ARHGEF4: variants seen among roughly 807,000 people sequenced by gnomAD.
ARHGEF4 encodes the protein Rho guanine nucleotide exchange factor 4, also known as APC-stimulated guanine nucleotide exchange factor 1.
A neutral mutation model predicts 162.0 loss-of-function variants in ARHGEF4; 119 were observed. The ratio of observed to expected loss-of-function variants is 0.73; its 90% CI spans 0.63 to 0.86. ARHGEF4 has a LOEUF of 0.86. Among genes scored for constraint, ARHGEF4 ranks in the 40% least tolerant of loss-of-function variants. The pLI is 0.00. For synonymous variants in ARHGEF4, 1,014 were observed against 979.9 expected, an observed-to-expected ratio of 1.03 and a Z score of -0.65; for missense variants, 2,488 against 2,456.0, an observed-to-expected ratio of 1.01 and a Z score of -0.28.
chr2:130,986,184 C>T (rs1686486264), intron 4 of ARHGEF4, among the ~76,000 whole-genome samples: 1 of 150,720 alleles, frequency 6.6e-6, no homozygotes, highest in Non-Finnish European at 1.5e-5. Context: ...GTTGCACGTG[C>T]ATGTGTGTGC....
chr2:130,888,325 G>T (rs1298376092), intron 1 of ARHGEF4, among the ~76,000 whole-genome samples: 1 of 151,878 alleles, frequency 6.6e-6, no homozygotes, highest in Non-Finnish European at 1.5e-5. Context: ...ACAAAAATTA[G>T]CCGGGCATGA....
intron 4 of ARHGEF4, among the ~76,000 whole-genome samples, chr2:131,009,383 C>G (rs59344829): frequency 2.0e-5 from 3 of 152,096 alleles, no homozygotes; most frequent in African/African-American, 7.2e-5. Flanking sequence ...GCTTGGGATT[C>G]AGTGATCTCC....
At chr2:130,974,517 C>T (rs1288950763) in intron 4 of ARHGEF4, among the ~76,000 whole-genome samples, 1 of 151,988 alleles carries the variant, frequency 6.6e-6, no homozygotes, top group Non-Finnish European at 1.5e-5. Flanking sequence ...ATGATCTTGG[C>T]TCACTGCAGC....
chr2:130,880,420 G>A, intron 1 of ARHGEF4, among the ~76,000 whole-genome samples: 1 of 152,200 alleles, frequency 6.6e-6, no homozygotes, highest in East Asian at 1.9e-4. Context: ...AATAGAAGGA[G>A]TAGCTTGAAT....
chr2:130,980,034 A>C (rs1012763697), intron 4 of ARHGEF4, among the ~76,000 whole-genome samples: 2 of 152,342 alleles, frequency 1.3e-5, no homozygotes, highest in African/African-American at 2.4e-5. Context: ...TAAAGTAGTT[A>C]GGTTACTCAT....
chr2:130,998,186 C>G (rs1235290291), intron 4 of ARHGEF4, among the ~76,000 whole-genome samples: 1 of 152,108 alleles, frequency 6.6e-6, no homozygotes, highest in Non-Finnish European at 1.5e-5. Flanking sequence ...ATTTCCTAAC[C>G]TTTTAGCATG....
At chr2:130,876,634 C>T (rs571418896) in intron 1 of ARHGEF4, among the ~76,000 whole-genome samples, 243 of 152,252 alleles carry the variant, frequency 1.6e-3, no homozygotes, top group African/African-American at 5.4e-3. Flanking sequence ...CCTTGTGATC[C>T]GCCCGCCTCG....
chr2:131,040,257 G>T lies in ARHGEF4; in HGVS notation c.4483-4G>T, dbSNP rs752443276. The T allele has an allele frequency of 1.9e-6, 3 of 1,611,914 alleles. No homozygotes were observed. The highest frequency in any genetic ancestry group is 2.7e-5 in the African/African-American group (2 of 74,906). On this transcript the variant is annotated splice_region_variant and splice_polypyrimidine_tract_variant and intron_variant, in intron 7 of 13. Transcript: ENST00000409359. ...GGGGGAGGCCTAACCACGTCCGCCCGCAGGGCTACGTCCGGCAGTGCCGCA... is the reference window on the plus strand; with the variant it reads ...GGGGGAGGCCTAACCACGTCCGCCCTCAGGGCTACGTCCGGCAGTGCCGCA...
At chr2:130,885,780 C>T (rs35270531) in intron 1 of ARHGEF4, among the ~76,000 whole-genome samples, 23,289 of 151,406 alleles carry the variant, frequency 0.15, 2,114 homozygotes, top group Admixed American at 0.23. Context: ...CCATGTTGGC[C>T]AGGCTGGTCC....
intron 4 of ARHGEF4, among the ~76,000 whole-genome samples, chr2:131,020,185 T>C (rs1346024724): frequency 6.6e-6 from 1 of 151,756 alleles, no homozygotes; most frequent in African/African-American, 2.4e-5. Flanking sequence ...ATTCTTTTTC[T>C]TTATTTTATT....
At chr2:130,886,697 G>A (rs1397898785) in intron 1 of ARHGEF4, among the ~76,000 whole-genome samples, 3 of 150,716 alleles carry the variant, frequency 2.0e-5, no homozygotes, top group South Asian at 4.2e-4. Flanking sequence ...AAAAAAAAAG[G>A]TTGGATGATT....
chr2:131,040,475 T>C, intron 8 of ARHGEF4, 35 bp downstream of exon 8: 1 of 1,508,286 alleles, frequency 6.6e-7, no homozygotes, highest in Non-Finnish European at 8.9e-7. Context: ...ACCTGGGCGC[T>C]GCGTTCACAG....
intron 1 of ARHGEF4, among the ~76,000 whole-genome samples, chr2:130,862,641 G>A (rs1231939703): frequency 2.5e-5 from 1 of 39,908 alleles, no homozygotes; most frequent in Non-Finnish European, 3.8e-5. Flanking sequence ...AGGCCAAAGC[G>A]GGCAGATCAT....
chr2:130,900,546 TC>T (rs1211903625), intron 1 of ARHGEF4, among the ~76,000 whole-genome samples: 1 of 152,212 alleles, frequency 6.6e-6, no homozygotes, highest in South Asian at 2.1e-4. Flanking sequence ...TGTATTTGCT[TC>T]CTTTTTATAA....
At chr2:131,040,624 T>C (rs1690733637) in intron 8 of ARHGEF4, among the ~76,000 whole-genome samples, 184 bp downstream of exon 8, 1 of 152,124 alleles carries the variant, frequency 6.6e-6, no homozygotes, top group African/African-American at 2.4e-5. Flanking sequence ...TCTGCTTCTG[T>C]GTGGCGAAAC....
intron 1 of ARHGEF4, among the ~76,000 whole-genome samples, chr2:130,841,370 G>A (rs1334282298): frequency 7.0e-6 from 1 of 142,120 alleles, no homozygotes; most frequent in Non-Finnish European, 1.5e-5. Context: ...GGCCTAGAAA[G>A]CTTTTTTTTT....
rs930402776 is a variant in ARHGEF4 at position 130,914,006 on chromosome 2, C to T, written c.60C>T (p.His20=). The T allele has an allele frequency of 2.6e-6, 4 of 1,535,990 alleles. No homozygotes were observed. In the African/African-American group the frequency reaches 5.5e-5, roughly 21 times the overall value. The change falls in exon 2 of 14, where the codon CAC becomes CAT. Residue 20 remains histidine, a synonymous_variant. Transcript: ENST00000409359. The stretch of plus-strand genomic sequence containing the variant: ...CCCAGACTCCAGAGCCAGGTGCACA[C>T]CTGCCAGGTGAAGGTGAGATTGAAG... ...SFFKTPEPGA[H]LPGEGEIEDN...
At chr2:130,851,143 G>A (rs768601452) in intron 1 of ARHGEF4, among the ~76,000 whole-genome samples, 5 of 152,286 alleles carry the variant, frequency 3.3e-5, no homozygotes, top group Admixed American at 6.5e-5. Flanking sequence ...CTGTGGAGCG[G>A]AGAAGTGCCT....
chr2:130,896,577 T>G (rs1197252554), intron 1 of ARHGEF4, among the ~76,000 whole-genome samples: 4 of 152,246 alleles, frequency 2.6e-5, no homozygotes, highest in African/African-American at 7.2e-5. Context: ...ATGAAACATG[T>G]GAGGCCCAGA....
Sources: allele counts gnomAD v4.1 joint callset (sites outside exome capture counted in the v4.1 genomes callset), GRCh38; gene constraint gnomAD v4.1.1; transcripts MANE v1.5; gene names NCBI Gene and HGNC (gene_info 2026-07-23, HGNC 2026-07-21).